The following ORC2 variants were observed in gnomAD, a reference collection of about 807,000 sequenced individuals.
The protein encoded by ORC2 is origin recognition complex protein 2 homolog.
Under a neutral mutation model 77.7 loss-of-function variants are expected in ORC2, and 37 were observed. The ratio of observed to expected loss-of-function variants is 0.48; its 90% CI spans 0.37 to 0.63. ORC2 has a LOEUF of 0.63. Among genes scored for constraint, ORC2 ranks in the 20% least tolerant of loss-of-function variants. ORC2 has a pLI of 0.00. For missense variants in ORC2, 557 were observed against 661.9 expected (o/e 0.84, Z 1.74); for synonymous variants, 201 against 229.5 (o/e 0.88, Z 1.12).
At chr2:200,929,510 G>A (rs575669566) in intron 11 of ORC2, among the ~76,000 whole-genome samples, 1 of 152,242 alleles carries the variant, frequency 6.6e-6, no homozygotes, top group Admixed American at 6.5e-5. Flanking sequence ...ATGACTCAGG[G>A]CTGGGCGCTG....
intron 15 of ORC2, among the ~76,000 whole-genome samples, chr2:200,914,867 T>A (rs182512572): frequency 6.6e-6 from 1 of 152,216 alleles, no homozygotes; most frequent in Non-Finnish European, 1.5e-5. Context: ...ACACTTGGTG[T>A]TGAGATCATA....
chr2:200,931,452 T>C lies in ORC2; in HGVS notation c.808-4A>G. On this transcript the variant is annotated splice_region_variant and splice_polypyrimidine_tract_variant and intron_variant, in intron 10 of 17. Transcript: ENST00000234296. Reference sequence around the variant, plus strand: ...TCAATAAGTTACGCAAAGTTTGCTTTAAAAAAAAGGAGGAGGGGAAAAAAG... The same window carrying C: ...TCAATAAGTTACGCAAAGTTTGCTTCAAAAAAAAGGAGGAGGGGAAAAAAG... 2.6e-6 allele frequency: 4 copies of C among 1,516,926 alleles called. No homozygotes were observed. Among genetic ancestry groups the C allele is most frequent in the Non-Finnish European group, 2.7e-6 (3 of 1,119,202 alleles). 94.0% of individuals were successfully genotyped at this position (1,516,926 alleles called of 1,614,324 possible).
intron 4 of ORC2, among the ~76,000 whole-genome samples, chr2:200,950,505 T>G (rs191357541): frequency 6.6e-6 from 1 of 152,294 alleles, no homozygotes; most frequent in Non-Finnish European, 1.5e-5. Context: ...TCAAAATTAC[T>G]TCGTAATAAT....
At chr2:200,919,524 A>G (rs2040719969) in intron 15 of ORC2, among the ~76,000 whole-genome samples, 1 of 152,068 alleles carries the variant, frequency 6.6e-6, no homozygotes, top group Non-Finnish European at 1.5e-5. Flanking sequence ...ACACCTGGCT[A>G]ATTTTTGTAT....
At position 200,940,310 on chromosome 2, in the gene ORC2, CAG is replaced by C. The variant is rs372504114; in HGVS notation, c.453+936_453+937del. Among the ~76,000 whole-genome samples, 20 of 152,252 alleles carry C rather than the reference CAG, an allele frequency of 1.3e-4. 1 individual carries two copies. The East Asian group carries it at 2.7e-3, about 21-fold the overall frequency. ...GCCGTGGGTCTGGGGAGTAACACTG[CAG>C]AGAGCTACCTGTCTTGTGGCTGCCC... On this transcript the variant is annotated intron_variant, in intron 7 of 17. Coordinates refer to ENST00000234296, the MANE Select transcript of ORC2 (RefSeq NM_006190.5).
At position 200,920,387 on chromosome 2, in the gene ORC2, T is replaced by G; in HGVS notation, c.1301A>C (p.Asp434Ala). The stretch of plus-strand genomic sequence containing the variant: ...GTTAAAAAGACTCTGCTTTGCATGA[T>G]CCCACACTAGCACATGATCAAAGAA... ...IDHLNAPLMW[D>A]HAKQSLFNWL... Residue 434 changes from aspartate (D) to alanine (A), a missense_variant, in exon 15 of 18, where the codon GAT becomes GCT. Asp to Ala is a moderately radical substitution (Grantham distance 126). Transcript: ENST00000234296. 2 of 1,577,530 alleles carry G rather than the reference T, an allele frequency of 1.3e-6. No individual in the cohort carries two copies. The highest frequency in any genetic ancestry group is 1.7e-6 in the Non-Finnish European group (2 of 1,159,746).
intron 2 of ORC2, among the ~76,000 whole-genome samples, chr2:200,958,784 C>A (rs2041519086): frequency 6.6e-6 from 1 of 152,206 alleles, no homozygotes; most frequent in African/African-American, 2.4e-5. Context: ...CAGAGTTTGG[C>A]AAGCAAAAGT....
At chr2:200,942,334 T>C (rs2041169406) in intron 6 of ORC2, among the ~76,000 whole-genome samples, 1 of 152,226 alleles carries the variant, frequency 6.6e-6, no homozygotes, top group Non-Finnish European at 1.5e-5. Flanking sequence ...CTCCACAATC[T>C]GTAAGACTTC....
At chr2:200,938,523 T>C (rs1257151390) in intron 7 of ORC2, among the ~76,000 whole-genome samples, 1 of 152,206 alleles carries the variant, frequency 6.6e-6, no homozygotes, top group Non-Finnish European at 1.5e-5. Context: ...TTGTAACTTT[T>C]TGTAGGAGTA....
intron 10 of ORC2, among the ~76,000 whole-genome samples, chr2:200,932,067 T>C (rs1056738220): frequency 6.6e-6 from 1 of 152,196 alleles, no homozygotes; most frequent in Non-Finnish European, 1.5e-5. Flanking sequence ...TACTGAAGAT[T>C]AGAGTTGCGA....
chr2:200,924,683 A>G (rs566323322), intron 13 of ORC2, among the ~76,000 whole-genome samples: 6 of 152,348 alleles, frequency 3.9e-5, no homozygotes, highest in African/African-American at 1.4e-4. Flanking sequence ...CATTCACACC[A>G]AAAGAATCAA....
chr2:200,921,283 T>G (rs540728495), intron 13 of ORC2, 144 bp from the exon 14 acceptor site: 1 of 438,808 alleles, frequency 2.3e-6, no homozygotes, highest in African/African-American at 2.0e-5. Context: ...CCTCAGCCTC[T>G]CGATTACCTG....
In ORC2 at chr2:200,963,196, T is replaced by A. The variant is rs2041613569; in HGVS notation, c.-60+294A>T. ...AACTGCGGGGCAGACTAACGAAAGG[T>A]CCTCCCAGAGTGAGCCTCTCACCTC... is the stretch of plus-strand genomic sequence containing the variant. On this transcript the variant is annotated intron_variant, in intron 1 of 17. Coordinates refer to ENST00000234296, the MANE Select transcript of ORC2 (RefSeq NM_006190.5). 1.1e-5 allele frequency: 4 copies of A among 368,294 alleles called. No homozygotes were observed. The Admixed American group carries it at 1.4e-4, about 13-fold the overall frequency. The allele number at this position is 368,294 out of a possible 1,614,324, so 22.8% of individuals were successfully genotyped here. A position where few individuals can be genotyped will look rare whatever the true frequency, so the allele number is the denominator to read the frequency against.
chr2:200,914,210 G>T (rs1311161225), intron 15 of ORC2, among the ~76,000 whole-genome samples: 1 of 146,364 alleles, frequency 6.8e-6, no homozygotes, highest in Non-Finnish European at 1.5e-5. Context: ...CTGTTGCCCA[G>T]GCTGGAATGC....
intron 13 of ORC2, chr2:200,921,696 G>C (rs2040765531): frequency 2.0e-5 from 3 of 152,192 alleles, no homozygotes; most frequent in Admixed American, 2.0e-4. Context: ...GAGTGCAGTG[G>C]GGTGATCTCA....
At position 200,949,650 on chromosome 2, in the gene ORC2, G is replaced by GA. The variant is rs745779295; in HGVS notation, c.239-8dup. On this transcript the variant is annotated splice_polypyrimidine_tract_variant and splice_region_variant and intron_variant, in intron 4 of 17. Coordinates refer to ENST00000234296, the MANE Select transcript of ORC2 (RefSeq NM_006190.5). ...GAGCCATTTTTCAATGATTCTGAAA[G>GA]AAAAAAATGCAATATACATTTAGGA... The GA allele has an allele frequency of 5.3e-6, 8 of 1,507,246 alleles. No individual in the cohort carries two copies. The Admixed American group carries it at 5.5e-5, about 10-fold the overall frequency. The allele number at this position is 1,507,246 out of a possible 1,614,324, so 93.4% of individuals were successfully genotyped here. A position where few individuals can be genotyped will look rare whatever the true frequency, so the allele number is the denominator to read the frequency against.
Position 200,942,683 on chromosome 2 carries a change from A to AC in ORC2, c.421+1dup, listed in dbSNP as rs777297527. On this transcript the variant is annotated splice_donor_variant, in intron 6 of 17. Coordinates refer to ENST00000234296, the MANE Select transcript of ORC2 (RefSeq NM_006190.5). LOFTEE classifies it high-confidence loss of function. Reference sequence around the variant, plus strand: ...TTTCAAAGAACTAATGTAATGTCTTACCCTTGCTACTTTGAGGAACGTTTA... The same window carrying AC: ...TTTCAAAGAACTAATGTAATGTCTTACCCCTTGCTACTTTGAGGAACGTTTA... The AC allele has an allele frequency of 6.4e-7, 1 of 1,559,726 alleles. No individual in the cohort carries two copies.
At chr2:200,950,936 A>G (rs1575181498) in intron 4 of ORC2, among the ~76,000 whole-genome samples, 1 of 152,092 alleles carries the variant, frequency 6.6e-6, no homozygotes, top group Non-Finnish European at 1.5e-5. Flanking sequence ...GACACTGAAC[A>G]TTTTTTTACA....
At chr2:200,919,209 T>A (rs1158553443) in intron 15 of ORC2, among the ~76,000 whole-genome samples, 4 of 152,232 alleles carry the variant, frequency 2.6e-5, no homozygotes, top group African/African-American at 4.8e-5. Flanking sequence ...CAATATTTCT[T>A]TTCATCTATC....
Sources: allele counts gnomAD v4.1 joint callset (sites outside exome capture counted in the v4.1 genomes callset), GRCh38; gene constraint gnomAD v4.1.1; transcripts MANE v1.5; gene names NCBI Gene and HGNC (gene_info 2026-07-23, HGNC 2026-07-21).